The following TEF variants were observed in gnomAD, a reference collection of about 807,000 sequenced individuals.
The protein encoded by TEF is thyrotroph embryonic factor.
TEF carries 3 observed loss-of-function variants against 20.8 expected under a neutral mutation model. That is an observed-to-expected ratio of 0.14 (90% CI 0.07 to 0.37). The LOEUF (loss-of-function observed/expected upper bound fraction) is 0.37. Among genes scored for constraint, TEF ranks in the 10% least tolerant of loss-of-function variants. The probability of loss-of-function intolerance (pLI) is 1.00; values close to 1 mark genes in which losing one functional copy is unlikely to be tolerated. For synonymous variants in TEF, 180 were observed against 171.1 expected (o/e 1.05, Z -0.41); for missense variants, 296 against 397.9 (o/e 0.74, Z 2.18).
chr22:41,396,176 A>G lies in TEF; in HGVS notation c.*216A>G, dbSNP rs2037225836. 2 of 552,858 alleles carry G rather than the reference A, an allele frequency of 3.6e-6. No individual in the cohort carries two copies. Among genetic ancestry groups the G allele is most frequent in the Non-Finnish European group, 6.5e-6 (2 of 309,126 alleles). 34.2% of individuals were successfully genotyped at this position (552,858 alleles called of 1,614,324 possible). On this transcript the variant is annotated 3_prime_UTR_variant, in exon 4 of 4. Transcript: ENST00000266304. ...CAGTCTCCTCACTGGTGGGGAACGC[A>G]AGAGAATCTGCGTAGATGGGTGACT... is the stretch of plus-strand genomic sequence containing the variant.
chr22:41,389,317 C>T (rs982535289), intron 2 of TEF, among the ~76,000 whole-genome samples: 1 of 152,008 alleles, frequency 6.6e-6, no homozygotes, highest in South Asian at 2.1e-4. Context: ...AGGAGAATGG[C>T]GTGAACCCAG....
chr22:41,383,053 G>A (rs1460578415), intron 1 of TEF: 1 of 470,760 alleles, frequency 2.1e-6, no homozygotes, highest in East Asian at 6.9e-5. Flanking sequence ...CGCCTGTGGT[G>A]GGGTTGTGGG....
At chr22:41,393,871 CT>C (rs527249731) in intron 2 of TEF, among the ~76,000 whole-genome samples, 3 of 151,914 alleles carry the variant, frequency 2.0e-5, no homozygotes, top group Non-Finnish European at 4.4e-5. Flanking sequence ...CTTCTGTTTC[CT>C]TTTGAGCATT....
intron 1 of TEF, among the ~76,000 whole-genome samples, chr22:41,383,365 C>G (rs1254788521): frequency 2.6e-5 from 4 of 152,174 alleles, no homozygotes; most frequent in African/African-American, 7.2e-5. Flanking sequence ...TGTTCCAAAT[C>G]TGGGGCTGAG....
At chr22:41,381,838 C>T (rs1049020137), upstream of TEF, 2 of 1,198,420 alleles carry the variant, frequency 1.7e-6, no homozygotes, top group Non-Finnish European at 2.1e-6. Flanking sequence ...TCCAGAGCAA[C>T]GATCCGGGGA....
chr22:41,384,693 T>C (rs2037074711), intron 1 of TEF, among the ~76,000 whole-genome samples: 1 of 152,204 alleles, frequency 6.6e-6, no homozygotes, highest in Non-Finnish European at 1.5e-5. Flanking sequence ...AATCAGTTCA[T>C]ACTTTCAGTG....
chr22:41,384,993 G>A (rs868682574), intron 1 of TEF, among the ~76,000 whole-genome samples: 1 of 152,216 alleles, frequency 6.6e-6, no homozygotes, highest in Middle Eastern at 3.4e-3. Context: ...GACCTCAGGT[G>A]ATTTGCCCGC....
At chr22:41,383,552 A>G (rs1435618210) in intron 1 of TEF, among the ~76,000 whole-genome samples, 1 of 152,210 alleles carries the variant, frequency 6.6e-6, no homozygotes, top group Non-Finnish European at 1.5e-5. Flanking sequence ...CAGATGAGGA[A>G]AATTGAGGCT....
intron 1 of TEF, among the ~76,000 whole-genome samples, chr22:41,384,501 C>G (rs2037072248): frequency 6.6e-6 from 1 of 152,176 alleles, no homozygotes; most frequent in African/African-American, 2.4e-5. Context: ...TCTGCTTATT[C>G]AGGAATAAAG....
At position 41,368,563 on chromosome 22, in the gene TEF, C is replaced by T. The variant is rs926458067; in HGVS notation, c.67+964C>T. Among the ~76,000 whole-genome samples the T allele has an allele frequency of 2.0e-5, 3 of 152,194 alleles. No individual in the cohort carries two copies. In the East Asian group the frequency reaches 5.8e-4, roughly 29 times the overall value. On this transcript the variant is annotated intron_variant, in intron 1 of 3. Transcript: ENST00000406644. ...GGAGACAGATCCCACAGCCCCCGGC[C>T]TCCCTTCACCCCTCTGGAACTGGGT...
chr22:41,387,876 G>T (rs1203848742), intron 2 of TEF, among the ~76,000 whole-genome samples: 1 of 151,284 alleles, frequency 6.6e-6, no homozygotes, highest in Admixed American at 6.6e-5. Context: ...GTCACTGGCA[G>T]TTGGAACCCT....
intron 1 of TEF, among the ~76,000 whole-genome samples, chr22:41,374,888 CAGGAG>C (rs1023969126): frequency 6.6e-6 from 1 of 151,856 alleles, no homozygotes; most frequent in African/African-American, 2.4e-5. Flanking sequence ...GAAGGGGAGG[CAGGAG>C]AGGCAGGCAA....
At position 41,398,233 on chromosome 22, in the gene TEF, A is replaced by T. The variant is rs1189775632; in HGVS notation, c.*2273A>T. 1 of 153,552 alleles carries T rather than the reference A, an allele frequency of 6.5e-6. No individual in the cohort carries two copies. The allele number at this position is 153,552 out of a possible 1,614,324, so 9.5% of individuals were successfully genotyped here. ...GTTGTCTCCTCTCCTGTCCTAAAAA[A>T]ATCCATGCTTGCAGGAGAGGGTTGG... On this transcript the variant is annotated 3_prime_UTR_variant, in exon 4 of 4. Coordinates refer to ENST00000266304, the MANE Select transcript of TEF (RefSeq NM_003216.4).
At chr22:41,394,457 C>T in intron 3 of TEF, 141 bp downstream of exon 3, 1 of 818,970 alleles carries the variant, frequency 1.2e-6, no homozygotes, top group Non-Finnish European at 1.9e-6. Context: ...GTGCTTAAAG[C>T]CATATCCTTC....
intron 3 of TEF, among the ~76,000 whole-genome samples, 173 bp from the exon 4 acceptor site, chr22:41,395,572 G>A (rs150309852): frequency 2.6e-5 from 4 of 152,162 alleles, no homozygotes; most frequent in Non-Finnish European, 4.4e-5. Flanking sequence ...TCCTGCCCCC[G>A]AGGAAAGGGC....
intron 2 of TEF, among the ~76,000 whole-genome samples, chr22:41,388,052 C>A (rs1272570361): frequency 8.5e-6 from 1 of 117,038 alleles, no homozygotes; most frequent in African/African-American, 3.3e-5. Flanking sequence ...GGCTGGAGTG[C>A]AGTGGAGCAA....
rs199897180 is a variant in TEF at position 41,387,606 on chromosome 22, C to T, written c.413C>T (p.Thr138Ile). Reference protein sequence around the residue: ...LEGKESASSSTASPPSSSTAI... With the variant: ...LEGKESASSSIASPPSSSTAI... ...GGGAAGGAGTCTGCCAGCTCTTCCA[C>T]AGCATCCCCACCATCCTCCTCCACT... The change falls in exon 2 of 4, where the codon ACA (threonine) becomes ATA (isoleucine). Residue 138 changes from threonine to isoleucine, a missense_variant. Physicochemically the swap from Thr to Ile is moderately conservative, Grantham distance 89 (BLOSUM62 -1). Transcript: ENST00000266304. The T allele has an allele frequency of 6.2e-7, 1 of 1,614,206 alleles. No individual in the cohort carries two copies. Among genetic ancestry groups the T allele is most frequent in the East Asian group, 2.2e-5 (1 of 44,886 alleles).
intron 1 of TEF, among the ~76,000 whole-genome samples, chr22:41,368,626 G>C (rs2036846947): frequency 6.6e-6 from 1 of 152,310 alleles, no homozygotes; most frequent in Admixed American, 6.5e-5. Flanking sequence ...AGGAGGGTCA[G>C]CAGGTTCTAG....
Position 41,396,705 on chromosome 22 carries a change from G to A in TEF, c.*745G>A. On this transcript the variant is annotated 3_prime_UTR_variant, in exon 4 of 4. Transcript: ENST00000266304. ...GATGGCTGCTGTCTGAGCCATGAGT[G>A]CCAGGGCTGAGAGAGGCCTCTTCAT... 7.9e-6 allele frequency: 3 copies of A among 378,184 alleles called. No homozygotes were observed. The highest frequency in any genetic ancestry group is 7.6e-5 in the East Asian group (2 of 26,312). The allele number at this position is 378,184 out of a possible 1,614,324, so 23.4% of individuals were successfully genotyped here.
Sources: allele counts gnomAD v4.1 joint callset (sites outside exome capture counted in the v4.1 genomes callset), GRCh38; gene constraint gnomAD v4.1.1; transcripts MANE v1.5; gene names NCBI Gene and HGNC (gene_info 2026-07-23, HGNC 2026-07-21).